The following VPS50 variants were observed in gnomAD, a reference collection of about 807,000 sequenced individuals.
VPS50 encodes the protein syndetin.
In VPS50, 70 loss-of-function variants were observed where a neutral mutation model predicts 139.7. The ratio of observed to expected loss-of-function variants is 0.50; its 90% confidence interval spans 0.41 to 0.61. The LOEUF (loss-of-function observed/expected upper bound fraction) is 0.61. VPS50 is among the 20% of genes least tolerant of loss of function. The pLI, the probability that VPS50 is intolerant of heterozygous loss-of-function variation, is 0.00. For synonymous variants in VPS50, 365 were observed against 376.7 expected (o/e 0.97, Z 0.36); for missense variants, 921 against 1,133.7 (o/e 0.81, Z 2.69).
At chr7:93,309,799 C>G (rs1490201794) in intron 19 of VPS50, among the ~76,000 whole-genome samples, 5 of 151,912 alleles carry the variant, frequency 3.3e-5, no homozygotes, top group Non-Finnish European at 7.4e-5. Flanking sequence ...GACTTGATTT[C>G]ATGACTATCA....
At chr7:93,284,182 A>G (rs1159735004) in intron 12 of VPS50, among the ~76,000 whole-genome samples, 1 of 152,166 alleles carries the variant, frequency 6.6e-6, no homozygotes, top group Non-Finnish European at 1.5e-5. Flanking sequence ...AAAATAATTT[A>G]CTAGTGGGAA....
chr7:93,303,063 G>A (rs1276378889), intron 16 of VPS50, among the ~76,000 whole-genome samples: 5 of 151,924 alleles, frequency 3.3e-5, no homozygotes, highest in Non-Finnish European at 7.4e-5. Flanking sequence ...AACATAATAT[G>A]TTGGTATTTA....
In VPS50 at chr7:93,298,209, G is replaced by A. The variant is rs187164817; in HGVS notation, c.1361+966G>A. ...TTAAATTGAACTATACTAAAGCAGA[G>A]CCTTTGAGTTTCATGACTGAGAATG... is the stretch of plus-strand genomic sequence containing the variant. On this transcript the variant is annotated intron_variant, in intron 16 of 27. Transcript: ENST00000305866. Among the ~76,000 whole-genome samples the A allele has an allele frequency of 3.3e-5, 5 of 152,216 alleles. No individual in the cohort carries two copies. In the East Asian group the frequency reaches 9.6e-4, roughly 29 times the overall value.
chr7:93,333,828 A>T (rs889430440), intron 21 of VPS50: 2 of 344,854 alleles, frequency 5.8e-6, no homozygotes, highest in Non-Finnish European at 1.1e-5. Flanking sequence ...AAGTTTTGCA[A>T]CTAAAAATAA....
At chr7:93,299,089 C>T (rs1029571757) in intron 16 of VPS50, among the ~76,000 whole-genome samples, 9 of 152,126 alleles carry the variant, frequency 5.9e-5, no homozygotes, top group African/African-American at 2.2e-4. Context: ...ACTTAGTATT[C>T]TTCTTTTTCC....
chr7:93,247,900 A>T (rs1299797242), intron 2 of VPS50, among the ~76,000 whole-genome samples: 1 of 151,790 alleles, frequency 6.6e-6, no homozygotes, highest in African/African-American at 2.4e-5. Flanking sequence ...TTGTTATTCC[A>T]ATTCATTACT....
intron 21 of VPS50, among the ~76,000 whole-genome samples, chr7:93,327,992 G>A (rs1213745377): frequency 6.6e-6 from 1 of 152,148 alleles, no homozygotes; most frequent in African/African-American, 2.4e-5. Flanking sequence ...GAAATCATTG[G>A]TTGGGGACAC....
intron 9 of VPS50, among the ~76,000 whole-genome samples, chr7:93,263,956 A>G (rs1795764672): frequency 1.3e-5 from 2 of 152,246 alleles, no homozygotes; most frequent in Non-Finnish European, 2.9e-5. Flanking sequence ...TTTGCATTGT[A>G]TTAGACATTA....
At chr7:93,291,648 T>C in intron 12 of VPS50, 55 bp from the exon 13 acceptor site, 1 of 955,130 alleles carries the variant, frequency 1.0e-6, no homozygotes, top group Non-Finnish European at 1.5e-6. Flanking sequence ...TATTTTATTA[T>C]AACTGTTAGA....
intron 23 of VPS50, among the ~76,000 whole-genome samples, chr7:93,344,425 G>C (rs924087766): frequency 6.6e-6 from 1 of 152,062 alleles, no homozygotes; most frequent in African/African-American, 2.4e-5. Context: ...AGATCAACGA[G>C]ACAGAAAGTT....
intron 1 of VPS50, among the ~76,000 whole-genome samples, chr7:93,238,861 G>A (rs1454511105): frequency 3.3e-5 from 5 of 152,084 alleles, no homozygotes; most frequent in African/African-American, 9.7e-5. Context: ...AGAGGGAGAC[G>A]GGGAGAGAAG....
intron 21 of VPS50, among the ~76,000 whole-genome samples, chr7:93,325,507 A>G (rs377695810): frequency 0.085 from 12,911 of 151,660 alleles, 591 homozygotes; most frequent in East Asian, 0.18. Flanking sequence ...ATCAGAGTGA[A>G]CAGGCAACCT....
chr7:93,273,811 A>ATCAAGCAAGTCTGTCAGTGCC, intron 11 of VPS50, among the ~76,000 whole-genome samples: 1 of 152,256 alleles, frequency 6.6e-6, no homozygotes, highest in South Asian at 2.1e-4. Flanking sequence ...ACAAACCTGC[A>ATCAAGCAAGTCTGTCAGTGCC]TCAAGCAAGT....
intron 9 of VPS50, among the ~76,000 whole-genome samples, chr7:93,260,090 TATA>T (rs1795620189): frequency 6.6e-6 from 1 of 152,236 alleles, no homozygotes; most frequent in Non-Finnish European, 1.5e-5. Flanking sequence ...TTTCAATTTA[TATA>T]ATAATAATGT....
intron 19 of VPS50, among the ~76,000 whole-genome samples, chr7:93,309,550 A>T (rs1797206895): frequency 6.6e-6 from 1 of 151,934 alleles, no homozygotes; most frequent in African/African-American, 2.4e-5. Context: ...ATCCTCAAGG[A>T]GAAAATGGTC....
At chr7:93,344,688 C>T (rs775127439) in intron 23 of VPS50, among the ~76,000 whole-genome samples, 8 of 151,616 alleles carry the variant, frequency 5.3e-5, no homozygotes, top group African/African-American at 9.8e-5. Flanking sequence ...CACTCAAAAC[C>T]GCTCAACTAC....
Position 93,355,102 on chromosome 7 carries a change from T to TA in VPS50, c.2586-788dup, listed in dbSNP as rs1163455230. ...GTGAATAATATATGTAATACTTCTG[T>TA]ATAAAATACTCTTTTTTAAAAAAAA... On this transcript the variant is annotated intron_variant, in intron 26 of 27. Transcript: ENST00000305866. Among the ~76,000 whole-genome samples, 3 of 145,810 alleles carry TA rather than the reference T, an allele frequency of 2.1e-5. No homozygotes were observed. In the East Asian group the frequency reaches 6.1e-4, roughly 30 times the overall value.
intron 16 of VPS50, among the ~76,000 whole-genome samples, chr7:93,299,607 G>T (rs1796916779): frequency 6.6e-6 from 1 of 152,024 alleles, no homozygotes; most frequent in Non-Finnish European, 1.5e-5. Flanking sequence ...ATAATAAAAA[G>T]GTAAAAATAG....
intron 20 of VPS50, among the ~76,000 whole-genome samples, chr7:93,312,978 G>A (rs543912769): frequency 5.3e-4 from 80 of 152,292 alleles, no homozygotes; most frequent in African/African-American, 1.8e-3. Flanking sequence ...GCAACTGTTG[G>A]TGCATCAAGA....
Sources: allele counts gnomAD v4.1 joint callset (sites outside exome capture counted in the v4.1 genomes callset), GRCh38; gene constraint gnomAD v4.1.1; transcripts MANE v1.5; gene names NCBI Gene and HGNC (gene_info 2026-07-23, HGNC 2026-07-21).